ARL15: variants seen among roughly 807,000 people sequenced by gnomAD.
ARL15 encodes the protein ARF like GTPase 15.
A neutral mutation model predicts 25.2 loss-of-function variants in ARL15; 19 were observed. The observed-to-expected ratio is 0.75, with a 90% CI of 0.53 to 1.10. The LOEUF is 1.10. Ranked by LOEUF, ARL15 falls within the 50% of genes least tolerant of loss-of-function variation. The pLI, the probability that ARL15 is intolerant of heterozygous loss-of-function variation, is 0.00. For missense variants in ARL15, 220 were observed against 246.0 expected, an observed-to-expected ratio of 0.89 and a Z score of 0.71; for synonymous variants, 94 against 86.8, an observed-to-expected ratio of 1.08 and a Z score of -0.46.
intron 1 of ARL15, among the ~76,000 whole-genome samples, chr5:54,263,089 GC>G (rs777759874): frequency 6.6e-6 from 1 of 152,022 alleles, no homozygotes. Flanking sequence ...AAGCCCTGTG[GC>G]ATGGTACAAT....
chr5:54,066,837 A>T (rs1290822799), intron 4 of ARL15, among the ~76,000 whole-genome samples: 15 of 152,188 alleles, frequency 9.9e-5, no homozygotes, highest in Non-Finnish European at 1.2e-4. Flanking sequence ...AAATTAAAAA[A>T]TATAAAAAAA....
rs1752163762 is a variant in ARL15, at chr5:54,092,555, C to A, written c.462+20647G>T. On this transcript the variant is annotated intron_variant, in intron 4 of 4. Coordinates refer to ENST00000504924, the MANE Select transcript of ARL15 (RefSeq NM_019087.3). ...CATTTCAGTGGAACAAAGGAGACCA[C>A]TGAAATAACCAGAGAACCACTCAAG... Among the ~76,000 whole-genome samples, 5 of 152,316 alleles carry A rather than the reference C, an allele frequency of 3.3e-5. No homozygotes were observed. The South Asian group carries it at 1.0e-3, about 32-fold the overall frequency.
At chr5:53,971,134 T>A (rs1259927139) in intron 4 of ARL15, among the ~76,000 whole-genome samples, 1 of 152,134 alleles carries the variant, frequency 6.6e-6, no homozygotes. Flanking sequence ...ATAAGAGTTA[T>A]AAGTCTTCAA....
intron 4 of ARL15, among the ~76,000 whole-genome samples, chr5:54,089,966 T>A (rs924307964): frequency 1.3e-5 from 2 of 152,170 alleles, no homozygotes; most frequent in East Asian, 1.9e-4. Flanking sequence ...CATATACTGA[T>A]AAGGATATAA....
At chr5:54,183,161 C>T (rs1158852064) in intron 1 of ARL15, among the ~76,000 whole-genome samples, 6 of 96,560 alleles carry the variant, frequency 6.2e-5, no homozygotes, top group Non-Finnish European at 1.1e-4. Flanking sequence ...TGCCTTATTG[C>T]CCCAGCCAGA....
chr5:53,971,430 A>G (rs1747745249), intron 4 of ARL15, among the ~76,000 whole-genome samples: 2 of 152,222 alleles, frequency 1.3e-5, no homozygotes, highest in South Asian at 4.1e-4. Flanking sequence ...CAGTTTTCCA[A>G]TTAGACAACA....
chr5:54,013,199 T>C (rs1176217854), intron 4 of ARL15, among the ~76,000 whole-genome samples: 1 of 152,260 alleles, frequency 6.6e-6, no homozygotes, highest in Non-Finnish European at 1.5e-5. Context: ...AAGTTAAAAA[T>C]ATGCAAGCCA....
chr5:54,077,330 G>A (rs1751642306), intron 4 of ARL15, among the ~76,000 whole-genome samples: 1 of 152,090 alleles, frequency 6.6e-6, no homozygotes, highest in Non-Finnish European at 1.5e-5. Context: ...GTCTTACCAG[G>A]CCCAAGTAGA....
At chr5:54,237,185 G>T (rs1005529642) in intron 1 of ARL15, among the ~76,000 whole-genome samples, 2 of 152,158 alleles carry the variant, frequency 1.3e-5, no homozygotes, top group African/African-American at 4.8e-5. Flanking sequence ...CAAGAGATTT[G>T]GTGGGTTTAT....
At chr5:53,913,125 C>T (rs1745519818) in intron 4 of ARL15, among the ~76,000 whole-genome samples, 1 of 151,904 alleles carries the variant, frequency 6.6e-6, no homozygotes, top group African/African-American at 2.4e-5. Context: ...AGAGTGAGAC[C>T]CCATCTCTAC....
At chr5:53,986,496 C>A (rs1748301337) in intron 4 of ARL15, among the ~76,000 whole-genome samples, 1 of 152,200 alleles carries the variant, frequency 6.6e-6, no homozygotes, top group Admixed American at 6.5e-5. Flanking sequence ...AGCCTCCACT[C>A]CAGACATCGG....
intron 4 of ARL15, among the ~76,000 whole-genome samples, chr5:53,954,259 C>A (rs1345847101): frequency 1.3e-5 from 2 of 152,180 alleles, no homozygotes; most frequent in Non-Finnish European, 2.9e-5. Context: ...GACCCAGCTA[C>A]TTCAGTAAGG....
At chr5:54,302,644 T>A (rs865950192) in intron 1 of ARL15, among the ~76,000 whole-genome samples, 14 of 147,228 alleles carry the variant, frequency 9.5e-5, no homozygotes, top group Admixed American at 3.5e-4. Context: ...TGCGGCCCAG[T>A]GCAAAATGAA....
Position 54,182,630 on chromosome 5 carries a change from G to A in ARL15, c.49-10702C>T, listed in dbSNP as rs373294462. Among the ~76,000 whole-genome samples the A allele has an allele frequency of 2.0e-3, 290 of 148,510 alleles. 2 individuals carry two copies. Among genetic ancestry groups the A allele is most frequent in the South Asian group, 0.018 (84 of 4,634 alleles). ...TGGCTTAGGATTGACTTGGCGATGCGGGCTCTTTTTTGGTTCCATATGAAC... is the reference window on the plus strand; with the variant it reads ...TGGCTTAGGATTGACTTGGCGATGCAGGCTCTTTTTTGGTTCCATATGAAC... On this transcript the variant is annotated intron_variant, in intron 1 of 4. Transcript: ENST00000504924.
intron 1 of ARL15, among the ~76,000 whole-genome samples, chr5:54,216,683 A>T (rs1481285041): frequency 6.6e-6 from 1 of 152,138 alleles, no homozygotes; most frequent in Non-Finnish European, 1.5e-5. Context: ...TGTACTAATC[A>T]TTCCATGGAG....
At chr5:54,205,748 T>C (rs895654869) in intron 1 of ARL15, among the ~76,000 whole-genome samples, 5 of 152,200 alleles carry the variant, frequency 3.3e-5, no homozygotes, top group African/African-American at 1.2e-4. Flanking sequence ...GAAAGCCATG[T>C]TCCTGTCCTC....
chr5:54,110,641 G>A (rs1752712861), intron 4 of ARL15, among the ~76,000 whole-genome samples: 1 of 152,008 alleles, frequency 6.6e-6, no homozygotes, highest in Non-Finnish European at 1.5e-5. Flanking sequence ...AGGTGCAAAT[G>A]AGTAAGAATG....
At chr5:53,976,559 G>A (rs1747931488) in intron 4 of ARL15, among the ~76,000 whole-genome samples, 2 of 152,212 alleles carry the variant, frequency 1.3e-5, no homozygotes, top group Admixed American at 1.3e-4. Context: ...GGCAAATGTG[G>A]AGGGGCAAGG....
intron 1 of ARL15, among the ~76,000 whole-genome samples, chr5:54,196,047 C>T (rs1055776494): frequency 2.0e-5 from 3 of 152,120 alleles, no homozygotes; most frequent in East Asian, 1.9e-4. Context: ...TTCTACCTGA[C>T]TCTTTTTAAT....
Sources: allele counts gnomAD v4.1 joint callset (sites outside exome capture counted in the v4.1 genomes callset), GRCh38; gene constraint gnomAD v4.1.1; transcripts MANE v1.5; gene names NCBI Gene and HGNC (gene_info 2026-07-23, HGNC 2026-07-21).